USP12: variants seen among roughly 807,000 people sequenced by gnomAD.
USP12 encodes ubiquitin specific peptidase 12, also known as ubiquitin carboxyl-terminal hydrolase 12.
USP12 carries 19 observed loss-of-function variants against 45.5 expected under a neutral mutation model. The ratio of observed to expected loss-of-function variants is 0.42; its 90% CI spans 0.29 to 0.61. The LOEUF (loss-of-function observed/expected upper bound fraction) is 0.61, where lower values mean the gene tolerates loss of function less well. Among genes scored for constraint, USP12 ranks in the 20% least tolerant of loss-of-function variants. The pLI is 0.22. For missense variants in USP12, 242 were observed against 447.7 expected, an observed-to-expected ratio of 0.54 and a Z score of 4.15; for synonymous variants, 149 against 148.8, an observed-to-expected ratio of 1.00 and a Z score of -0.01.
chr13:27,095,938 G>T, intron 3 of USP12, 108 bp from the exon 4 acceptor site: 2 of 761,430 alleles, frequency 2.6e-6, no homozygotes, highest in Non-Finnish European at 3.9e-6. Flanking sequence ...AAATATAAAT[G>T]CACAATGTTT....
At chr13:27,170,652 C>G (rs911944853) in intron 1 of USP12, among the ~76,000 whole-genome samples, 7 of 152,204 alleles carry the variant, frequency 4.6e-5, no homozygotes, top group African/African-American at 1.7e-4. Flanking sequence ...GGACTTCCAG[C>G]GGGCATTAGC....
Position 27,118,949 on chromosome 13 carries a change from C to T in USP12, c.49-2353G>A, listed in dbSNP as rs1258597643. Among the ~76,000 whole-genome samples the T allele has an allele frequency of 3.9e-5, 6 of 152,192 alleles. No individual in the cohort carries two copies. In the East Asian group the frequency reaches 5.8e-4, roughly 15 times the overall value. ...GTAAGCTCTTCTCCCACTCCCTTGT[C>T]CTCACAGTAGTTTCAACTATGGGTC... On this transcript the variant is annotated intron_variant, in intron 1 of 8. Coordinates refer to ENST00000282344, the MANE Select transcript of USP12 (RefSeq NM_182488.4).
At chr13:27,101,985 CATA>C (rs1292115525) in intron 3 of USP12, among the ~76,000 whole-genome samples, 2 of 150,982 alleles carry the variant, frequency 1.3e-5, no homozygotes, top group African/African-American at 4.9e-5. Context: ...GTGCCTGCCA[CATA>C]ATGAGATGTA....
intron 1 of USP12, among the ~76,000 whole-genome samples, chr13:27,134,184 G>T (rs1876675290): frequency 6.6e-6 from 1 of 152,170 alleles, no homozygotes; most frequent in Non-Finnish European, 1.5e-5. Context: ...ACTGAAATGT[G>T]TGACTGCCCT....
intron 1 of USP12, chr13:27,162,868 T>C (rs747339613): frequency 2.0e-5 from 3 of 152,214 alleles, no homozygotes; most frequent in Non-Finnish European, 4.4e-5. Context: ...AGAGTTTGAA[T>C]GGTAACGTTT....
At chr13:27,153,288 C>T (rs1021554197) in intron 1 of USP12, among the ~76,000 whole-genome samples, 7 of 152,144 alleles carry the variant, frequency 4.6e-5, no homozygotes, top group Non-Finnish European at 7.3e-5. Context: ...GCCTGGGCAA[C>T]AGAGTGAGAC....
intron 7 of USP12, 47 bp from the exon 8 acceptor site, chr13:27,071,196 A>G: frequency 6.7e-7 from 1 of 1,491,162 alleles, no homozygotes; most frequent in African/African-American, 1.4e-5. Flanking sequence ...TATTAATATT[A>G]CTCTTTCATG....
chr13:27,171,505 G>C, intron 1 of USP12, 87 bp downstream of exon 1: 1 of 143,820 alleles, frequency 7.0e-6, no homozygotes, highest in Non-Finnish European at 1.2e-5. Context: ...TAGGCCCCGC[G>C]AGCGGCCACT....
At chr13:27,081,425 G>A (rs1873752472) in intron 6 of USP12, among the ~76,000 whole-genome samples, 1 of 152,168 alleles carries the variant, frequency 6.6e-6, no homozygotes, top group African/African-American at 2.4e-5. Context: ...CAGCAATTCA[G>A]TCAGATCGTC....
chr13:27,077,005 T>G (rs1873519584), intron 6 of USP12, among the ~76,000 whole-genome samples: 1 of 152,198 alleles, frequency 6.6e-6, no homozygotes, highest in Non-Finnish European at 1.5e-5. Context: ...ACATCCCTTA[T>G]GAGAATAATC....
intron 2 of USP12, among the ~76,000 whole-genome samples, chr13:27,111,192 T>C (rs1376003420): frequency 6.6e-6 from 1 of 152,230 alleles, no homozygotes; most frequent in African/African-American, 2.4e-5. Context: ...TTGAAAATAC[T>C]ACTCTTTCTC....
rs545114950 is a variant in USP12, at chr13:27,116,248, G to A, written c.129+268C>T. 9.7e-4 allele frequency among the ~76,000 whole-genome samples: 145 copies of A among 148,898 alleles called. 2 individuals carry two copies. Among genetic ancestry groups the A allele is most frequent in the South Asian group, 4.7e-3 (22 of 4,726 alleles). ...AATGGCGTGAACCCGGGAGGCAGAC[G>A]TTGCAGTGAGCCGAGATCGCGCCAC... is the stretch of plus-strand genomic sequence containing the variant. On this transcript the variant is annotated intron_variant, in intron 2 of 8. Coordinates refer to ENST00000282344, the MANE Select transcript of USP12 (RefSeq NM_182488.4).
chr13:27,167,417 A>G (rs1367571615), intron 1 of USP12, among the ~76,000 whole-genome samples: 1 of 152,178 alleles, frequency 6.6e-6, no homozygotes, highest in Non-Finnish European at 1.5e-5. Flanking sequence ...AATTCAAAAG[A>G]TGAGTGGGCT....
chr13:27,160,794 T>TC (rs199829638), intron 1 of USP12, among the ~76,000 whole-genome samples: 36 of 151,950 alleles, frequency 2.4e-4, no homozygotes, highest in African/African-American at 7.2e-4. Context: ...TTTTTTTTTT[T>TC]TCCCCCTTCA....
At chr13:27,128,668 T>C (rs2137808584) in intron 1 of USP12, among the ~76,000 whole-genome samples, 1 of 152,336 alleles carries the variant, frequency 6.6e-6, no homozygotes, top group African/African-American at 2.4e-5. Context: ...TTTCTATATC[T>C]ATTCCACCAA....
At chr13:27,154,015 T>C (rs1433602128) in intron 1 of USP12, among the ~76,000 whole-genome samples, 1 of 152,268 alleles carries the variant, frequency 6.6e-6, no homozygotes, top group Non-Finnish European at 1.5e-5. Context: ...TTAGAGCTTC[T>C]TCTGATACTA....
chr13:27,144,374 A>T (rs570438768), intron 1 of USP12, among the ~76,000 whole-genome samples: 6 of 152,058 alleles, frequency 3.9e-5, no homozygotes, highest in Non-Finnish European at 7.4e-5. Flanking sequence ...GCATACCTGT[A>T]ATATTAGCTA....
intron 2 of USP12, among the ~76,000 whole-genome samples, chr13:27,108,383 T>C (rs964708192): frequency 4.9e-5 from 7 of 142,930 alleles, no homozygotes; most frequent in Non-Finnish European, 7.6e-5. Flanking sequence ...AGGACTGTTG[T>C]GGGGTGGGGG....
intron 3 of USP12, among the ~76,000 whole-genome samples, chr13:27,100,501 T>C (rs1874814964): frequency 6.6e-6 from 1 of 152,114 alleles, no homozygotes; most frequent in Admixed American, 6.6e-5. Context: ...CTCTCTGAGG[T>C]CATCTCCCTC....
Sources: gnomAD v4.1 joint callset for allele counts (sites outside exome capture counted in the v4.1 genomes callset) on GRCh38, gnomAD v4.1.1 for gene constraint, MANE v1.5 for transcripts, NCBI Gene and HGNC (gene_info 2026-07-23, HGNC 2026-07-21) for gene names.